PRKCZ: variants seen among roughly 807,000 people sequenced by gnomAD.
PRKCZ encodes protein kinase C zeta type.
In PRKCZ, 33 loss-of-function variants were observed where a neutral mutation model predicts 79.5. The observed-to-expected ratio is 0.41, with a 90% CI of 0.31 to 0.55. The LOEUF (loss-of-function observed/expected upper bound fraction) is 0.55, where lower values mean the gene tolerates loss of function less well. PRKCZ is among the 20% of genes least tolerant of loss of function. PRKCZ has a pLI of 0.19. For synonymous variants in PRKCZ, 342 were observed against 320.9 expected (o/e 1.07, Z -0.70); for missense variants, 578 against 813.5 (o/e 0.71, Z 3.52).
chr1:2,153,935 C>A (rs1680411172), intron 9 of PRKCZ, among the ~76,000 whole-genome samples: 1 of 152,198 alleles, frequency 6.6e-6, no homozygotes, highest in Non-Finnish European at 1.5e-5. Context: ...GCCTCTTGTT[C>A]CCCCAGGAGT....
At chr1:2,182,528 CT>C in intron 16 of PRKCZ, 2 of 155,126 alleles carry the variant, frequency 1.3e-5, no homozygotes, top group South Asian at 4.0e-4. Flanking sequence ...CTTCTTGGCT[CT>C]TCCGGAGGGA....
chr1:2,103,990 G>A (rs1413018235), intron 4 of PRKCZ, among the ~76,000 whole-genome samples: 2 of 152,234 alleles, frequency 1.3e-5, no homozygotes, highest in African/African-American at 2.4e-5. Context: ...ATTTGGCTCA[G>A]GTGTCCACAC....
intron 16 of PRKCZ, among the ~76,000 whole-genome samples, chr1:2,176,784 C>T (rs1685579917): frequency 6.6e-6 from 1 of 152,190 alleles, no homozygotes; most frequent in Non-Finnish European, 1.5e-5. Context: ...CCTTGCTTTG[C>T]CTGTGCATGT....
intron 4 of PRKCZ, among the ~76,000 whole-genome samples, chr1:2,117,964 A>G (rs1367968385): frequency 1.4e-5 from 2 of 138,420 alleles, no homozygotes; most frequent in Non-Finnish European, 3.1e-5. Context: ...TTGTTTTTGC[A>G]ACTGTATTTA....
At chr1:2,159,722 A>G (rs1681835663) in intron 10 of PRKCZ, among the ~76,000 whole-genome samples, 3 of 152,210 alleles carry the variant, frequency 2.0e-5, no homozygotes, top group Non-Finnish European at 1.5e-5. Flanking sequence ...GAGAGAAACA[A>G]TTCATTCGCA....
At chr1:2,086,577 CAGG>C (rs996678344) in intron 4 of PRKCZ, among the ~76,000 whole-genome samples, 22 of 152,240 alleles carry the variant, frequency 1.4e-4, no homozygotes, top group Non-Finnish European at 2.9e-4. Flanking sequence ...CTTTCTGCTC[CAGG>C]CTGGACCTGG....
intron 4 of PRKCZ, among the ~76,000 whole-genome samples, chr1:2,072,372 C>T (rs111246702): frequency 1.3e-5 from 2 of 152,172 alleles, no homozygotes; most frequent in Non-Finnish European, 2.9e-5. Flanking sequence ...GAGATGATGC[C>T]GTTGAGAAGG....
intron 9 of PRKCZ, among the ~76,000 whole-genome samples, chr1:2,153,889 C>T (rs986468148): frequency 6.6e-6 from 1 of 152,192 alleles, no homozygotes; most frequent in African/African-American, 2.4e-5. Flanking sequence ...ATTTCTTTCT[C>T]CCCACAAAAA....
At chr1:2,096,748 C>T (rs1041375460) in intron 4 of PRKCZ, among the ~76,000 whole-genome samples, 15 of 152,118 alleles carry the variant, frequency 9.9e-5, no homozygotes, top group Non-Finnish European at 1.8e-4. Context: ...CAGGAACTTC[C>T]CCAGATTCCT....
intron 3 of PRKCZ, among the ~76,000 whole-genome samples, chr1:2,057,224 AG>A (rs903744086): frequency 3.3e-5 from 5 of 152,126 alleles, no homozygotes; most frequent in African/African-American, 1.2e-4. Context: ...TTAAGTTCAA[AG>A]CCCCATGATG....
intron 4 of PRKCZ, among the ~76,000 whole-genome samples, chr1:2,090,764 C>T (rs1665360427): frequency 6.6e-6 from 1 of 152,208 alleles, no homozygotes; most frequent in Non-Finnish European, 1.5e-5. Flanking sequence ...CAGGGGGGAC[C>T]CCACAATCTG....
chr1:2,107,731 C>T (rs964506992), intron 4 of PRKCZ, among the ~76,000 whole-genome samples: 9 of 152,052 alleles, frequency 5.9e-5, no homozygotes, highest in Non-Finnish European at 1.2e-4. Flanking sequence ...CGGCCTGTGC[C>T]TCTCCGGCCC....
chr1:2,109,982 C>T (rs575897357), intron 4 of PRKCZ, among the ~76,000 whole-genome samples: 8 of 152,356 alleles, frequency 5.3e-5, no homozygotes, highest in Admixed American at 2.6e-4. Flanking sequence ...GTCTCCCAGT[C>T]TGGGCAAGCG....
At chr1:2,059,517 T>C (rs2102237454) in intron 3 of PRKCZ, 24 bp from the exon 4 acceptor site, 1 of 1,613,968 alleles carries the variant, frequency 6.2e-7, no homozygotes, top group Non-Finnish European at 8.5e-7. Flanking sequence ...GTCTTGACGC[T>C]GTCTCTTTCT....
In PRKCZ at chr1:2,185,102, G is replaced by A. The variant is rs1687380410; in HGVS notation, c.*93G>A. The A allele has an allele frequency of 7.8e-6, 10 of 1,278,332 alleles. No homozygotes were observed. Among genetic ancestry groups the A allele is most frequent in the Middle Eastern group, 3.7e-4 (2 of 5,414 alleles). 79.2% of individuals were successfully genotyped at this position (1,278,332 alleles called of 1,614,324 possible). On this transcript the variant is annotated 3_prime_UTR_variant, in exon 18 of 18. Coordinates refer to ENST00000378567, the MANE Select transcript of PRKCZ (RefSeq NM_002744.6). ...TGCATGCCAGGCTGGGCACGGCTCC[G>A]AGGGCGGCCAGGGACAGACGCTTGC...
chr1:2,069,750 G>T (rs1375007604), intron 4 of PRKCZ, among the ~76,000 whole-genome samples: 1 of 152,156 alleles, frequency 6.6e-6, no homozygotes, highest in Non-Finnish European at 1.5e-5. Context: ...AGATGGCCGG[G>T]CCCATCATGT....
chr1:2,179,746 C>A (rs1686175254), intron 16 of PRKCZ, among the ~76,000 whole-genome samples: 1 of 152,212 alleles, frequency 6.6e-6, no homozygotes, highest in Admixed American at 6.5e-5. Flanking sequence ...GGGCCCAGGG[C>A]TGCTGGTGGG....
chr1:2,135,347 G>C lies in PRKCZ; in HGVS notation c.420G>C (p.Arg140Ser), dbSNP rs1675965207. Residue 140 changes from arginine to serine, a missense_variant and splice_region_variant, in exon 5 of 18, where the codon AGG becomes AGC. Transcript: ENST00000378567. ...GHLFQAKRFN[R>S]RAYCGQCSER... Reference sequence around the variant, plus strand: ...TCTTCCAAGCCAAGCGCTTTAACAGGGTGAGTGGCCCCCTTGGGACTAGTC... The same window carrying C: ...TCTTCCAAGCCAAGCGCTTTAACAGCGTGAGTGGCCCCCTTGGGACTAGTC... The C allele has an allele frequency of 6.2e-7, 1 of 1,609,836 alleles. No individual in the cohort carries two copies. Among genetic ancestry groups the C allele is most frequent in the Non-Finnish European group, 8.5e-7 (1 of 1,177,320 alleles).
chr1:2,109,578 TCA>T (rs1291887026), intron 4 of PRKCZ, among the ~76,000 whole-genome samples: 2 of 151,572 alleles, frequency 1.3e-5, no homozygotes, highest in African/African-American at 4.8e-5. Context: ...GCGGAGGGGG[TCA>T]CACGGGGCCG....
Sources: allele counts gnomAD v4.1 joint callset (sites outside exome capture counted in the v4.1 genomes callset), GRCh38; gene constraint gnomAD v4.1.1; transcripts MANE v1.5; gene names NCBI Gene and HGNC (gene_info 2026-07-23, HGNC 2026-07-21).